Variants in HEMK2 observed in about 807,000 individuals in gnomAD.
HEMK2 encodes HemK methyltransferase 2, ETF1 glutamine and histone H4 lysine.
the HEMK2 span, among the ~76,000 whole-genome samples, chr21:28,658,751 A>G: frequency 1.3e-5 from 2 of 152,000 alleles, no homozygotes; most frequent in African/African-American, 4.8e-5. Flanking sequence ...CTGACAAAAA[A>G]CCTCTTGTCC....
the HEMK2 span, among the ~76,000 whole-genome samples, chr21:28,655,434 T>C: frequency 2.6e-5 from 4 of 152,054 alleles, no homozygotes; most frequent in South Asian, 6.2e-4. Flanking sequence ...TAAAAATCCA[T>C]TTGAATTCAT....
At chr21:28,842,613 T>C in the HEMK2 span, among the ~76,000 whole-genome samples, 1 of 152,088 alleles carries the variant, frequency 6.6e-6, no homozygotes, top group African/African-American at 2.4e-5. Flanking sequence ...AAGCCATTAC[T>C]CCTTCTCCCC....
the HEMK2 span, among the ~76,000 whole-genome samples, chr21:28,694,109 G>C: frequency 6.6e-6 from 1 of 152,212 alleles, no homozygotes; most frequent in Admixed American, 6.5e-5. Context: ...AAGGGTACCT[G>C]TTTGTAATTA....
the HEMK2 span, among the ~76,000 whole-genome samples, chr21:28,729,939 C>T: frequency 2.0e-5 from 3 of 152,068 alleles, no homozygotes; most frequent in Admixed American, 6.5e-5. Context: ...ATCTTTACGA[C>T]CCAATATAGG....
chr21:28,578,515 G>A, the HEMK2 span, among the ~76,000 whole-genome samples: 6 of 152,196 alleles, frequency 3.9e-5, no homozygotes, highest in Admixed American at 2.6e-4. Context: ...CAGGGCCACA[G>A]CGGGGTTTCA....
At chr21:28,666,029 A>C in the HEMK2 span, among the ~76,000 whole-genome samples, 4 of 152,324 alleles carry the variant, frequency 2.6e-5, no homozygotes, top group East Asian at 7.7e-4. Flanking sequence ...ATTATTAATA[A>C]ACTTCTGTCT....
chr21:28,707,186 C>T, the HEMK2 span, among the ~76,000 whole-genome samples: 1 of 151,700 alleles, frequency 6.6e-6, no homozygotes, highest in East Asian at 1.9e-4. Flanking sequence ...AAGGTTAGCA[C>T]AAACAACATC....
chr21:28,618,910 T>G, the HEMK2 span, among the ~76,000 whole-genome samples: 3 of 152,258 alleles, frequency 2.0e-5, no homozygotes, highest in South Asian at 6.2e-4. Flanking sequence ...TTGTGTCTAC[T>G]AAAAAAATTC....
chr21:28,841,319 T>TATATAA, the HEMK2 span, among the ~76,000 whole-genome samples: 1 of 15,328 alleles, frequency 6.5e-5, no homozygotes, highest in African/African-American at 4.2e-4. Context: ...ATATATAATA[T>TATATAA]ATATTATATA....
chr21:28,769,500 G>C, the HEMK2 span, among the ~76,000 whole-genome samples: 5 of 152,002 alleles, frequency 3.3e-5, no homozygotes, highest in Non-Finnish European at 5.9e-5. Flanking sequence ...GGACTTCACT[G>C]TCTTTTCTAC....
the HEMK2 span, among the ~76,000 whole-genome samples, chr21:28,813,932 T>C: frequency 6.6e-6 from 1 of 152,136 alleles, no homozygotes; most frequent in African/African-American, 2.4e-5. Context: ...TAACACAAGA[T>C]GGATTAAAGA....
the HEMK2 span, among the ~76,000 whole-genome samples, chr21:28,648,230 T>C: frequency 2.6e-5 from 4 of 152,244 alleles, no homozygotes; most frequent in African/African-American, 4.8e-5. Context: ...GCTAACTTTA[T>C]GTATGTAAAT....
At chr21:28,720,625 C>A in the HEMK2 span, among the ~76,000 whole-genome samples, 1 of 152,122 alleles carries the variant, frequency 6.6e-6, no homozygotes, top group Non-Finnish European at 1.5e-5. Flanking sequence ...CCCAGCAACT[C>A]AGGAGGCTGA....
chr21:28,743,493 T>C, the HEMK2 span, among the ~76,000 whole-genome samples: 2 of 152,178 alleles, frequency 1.3e-5, no homozygotes, highest in East Asian at 1.9e-4. Flanking sequence ...CTTGCTTCTA[T>C]TGTTTGTACC....
the HEMK2 span, among the ~76,000 whole-genome samples, chr21:28,700,500 T>G: frequency 4.6e-5 from 7 of 152,114 alleles, no homozygotes; most frequent in African/African-American, 1.7e-4. Context: ...TAAAAAGCCT[T>G]CAGAGACTAC....
chr21:28,728,607 A>T, the HEMK2 span, among the ~76,000 whole-genome samples: 4 of 151,440 alleles, frequency 2.6e-5, no homozygotes, highest in African/African-American at 9.8e-5. Context: ...TATTAGCTTA[A>T]AAAAAATGGA....
the HEMK2 span, among the ~76,000 whole-genome samples, chr21:28,838,972 A>AAATATATATATATATATAT: frequency 6.9e-5 from 2 of 29,156 alleles, no homozygotes; most frequent in African/African-American, 1.9e-4. Context: ...AAAAAAAAAA[A>AAATATATATATATATATAT]ATATATATAT....
At chr21:28,638,271 G>A in the HEMK2 span, among the ~76,000 whole-genome samples, 3 of 152,120 alleles carry the variant, frequency 2.0e-5, no homozygotes, top group Non-Finnish European at 4.4e-5. Flanking sequence ...CTTTCTGGAG[G>A]AGGTGGGATC....
chr21:28,815,150 T>A, the HEMK2 span, among the ~76,000 whole-genome samples: 1 of 145,294 alleles, frequency 6.9e-6, no homozygotes, highest in Non-Finnish European at 1.5e-5. Context: ...ACACACCGCA[T>A]GTTCTCACTC....
Sources: allele counts gnomAD v4.1 joint callset (sites outside exome capture counted in the v4.1 genomes callset), GRCh38; gene constraint gnomAD v4.1.1; transcripts MANE v1.5; gene names NCBI Gene and HGNC (gene_info 2026-07-23, HGNC 2026-07-21).